CPNE8: variants seen among roughly 807,000 people sequenced by gnomAD.
CPNE8 encodes copine-8.
CPNE8 carries 45 observed loss-of-function variants against 81.5 expected under a neutral mutation model. The observed-to-expected ratio is 0.55, with a 90% CI of 0.44 to 0.71. The LOEUF is 0.71. Among genes scored for constraint, CPNE8 ranks in the 30% least tolerant of loss-of-function variants. The pLI, the probability that CPNE8 is intolerant of heterozygous loss-of-function variation, is 0.00. For synonymous variants in CPNE8, 252 were observed against 226.3 expected (o/e 1.11, Z -1.02); for missense variants, 594 against 672.1 (o/e 0.88, Z 1.28).
chr12:38,904,474 T>G (rs993362992), intron 1 of CPNE8, among the ~76,000 whole-genome samples: 17 of 150,228 alleles, frequency 1.1e-4, no homozygotes, highest in African/African-American at 3.4e-4. Context: ...TTTTTTGTTT[T>G]TTTTTTTTTT....
rs1228204810 is a variant in CPNE8, at chr12:38,761,652, GA to G, written c.680+459del. 3.9e-5 allele frequency among the ~76,000 whole-genome samples: 6 copies of G among 152,002 alleles called. No individual in the cohort carries two copies. The East Asian group carries it at 5.8e-4, about 15-fold the overall frequency. On this transcript the variant is annotated intron_variant, in intron 9 of 19. Transcript: ENST00000331366. ...ATAATCATACAATAAAGTTTCATAA[GA>G]AAAAAACTTTGATATTAAGAAATCT...
intron 3 of CPNE8, among the ~76,000 whole-genome samples, chr12:38,870,733 T>C (rs1943979800): frequency 2.0e-5 from 3 of 152,026 alleles, no homozygotes; most frequent in Admixed American, 2.0e-4. Context: ...ATGGCACTTG[T>C]ATACCTATGT....
intron 6 of CPNE8, among the ~76,000 whole-genome samples, chr12:38,777,508 T>C (rs982827456): frequency 1.3e-5 from 2 of 152,156 alleles, no homozygotes; most frequent in East Asian, 1.9e-4. Context: ...CTATACAGTG[T>C]TTATAAAGCC....
At chr12:38,695,360 T>C (rs1252298056) in intron 14 of CPNE8, among the ~76,000 whole-genome samples, 1 of 152,186 alleles carries the variant, frequency 6.6e-6, no homozygotes, top group Non-Finnish European at 1.5e-5. Flanking sequence ...CAAACAGAGA[T>C]GGCCTAAGCA....
chr12:38,675,432 G>C (rs980651296), intron 18 of CPNE8, among the ~76,000 whole-genome samples: 2 of 152,062 alleles, frequency 1.3e-5, no homozygotes, highest in African/African-American at 2.4e-5. Context: ...TTATTTTGAG[G>C]TACAAACTAC....
At chr12:38,711,162 CTAT>C (rs1434086657) in intron 13 of CPNE8, among the ~76,000 whole-genome samples, 5 of 152,184 alleles carry the variant, frequency 3.3e-5, no homozygotes, top group African/African-American at 1.2e-4. Flanking sequence ...TGTTTTCCTA[CTAT>C]TAATAATAGT....
At chr12:38,797,886 G>A (rs1942537295) in intron 6 of CPNE8, among the ~76,000 whole-genome samples, 1 of 152,158 alleles carries the variant, frequency 6.6e-6, no homozygotes, top group African/African-American at 2.4e-5. Context: ...AAAGGCTCGA[G>A]AACTACGTGA....
chr12:38,723,154 T>TA (rs1409761527), intron 13 of CPNE8, among the ~76,000 whole-genome samples: 1 of 152,072 alleles, frequency 6.6e-6, no homozygotes, highest in Non-Finnish European at 1.5e-5. Flanking sequence ...TTGGTAAGGT[T>TA]AAGAAAAGGA....
intron 6 of CPNE8, among the ~76,000 whole-genome samples, chr12:38,785,254 T>A (rs903200923): frequency 1.3e-5 from 2 of 151,602 alleles, no homozygotes; most frequent in East Asian, 3.9e-4. Flanking sequence ...CAAAACTCAC[T>A]GACTCACTGA....
intron 3 of CPNE8, among the ~76,000 whole-genome samples, chr12:38,849,209 T>C (rs766770701): frequency 2.6e-5 from 4 of 152,180 alleles, no homozygotes; most frequent in Admixed American, 6.5e-5. Context: ...CATATCTAGA[T>C]AGCTAAAATG....
chr12:38,732,629 A>G (rs1322691521), intron 10 of CPNE8, among the ~76,000 whole-genome samples: 1 of 151,962 alleles, frequency 6.6e-6, no homozygotes, highest in Non-Finnish European at 1.5e-5. Flanking sequence ...ATTAGTGGTT[A>G]GAGAGCTTAC....
intron 19 of CPNE8, among the ~76,000 whole-genome samples, chr12:38,667,329 A>G (rs1473006156): frequency 6.6e-6 from 1 of 152,226 alleles, no homozygotes; most frequent in Non-Finnish European, 1.5e-5. Flanking sequence ...CAACCCCACT[A>G]TTCTAAATAT....
At chr12:38,751,140 G>A (rs1941346223) in intron 10 of CPNE8, among the ~76,000 whole-genome samples, 1 of 152,146 alleles carries the variant, frequency 6.6e-6, no homozygotes, top group Non-Finnish European at 1.5e-5. Context: ...ATGATTGTGA[G>A]GCTTCCCCAG....
At position 38,828,377 on chromosome 12, in the gene CPNE8, A is replaced by T. The variant is rs141402486; in HGVS notation, c.407+1002T>A. Among the ~76,000 whole-genome samples the T allele has an allele frequency of 7.0e-4, 106 of 152,308 alleles. No homozygotes were observed. In the East Asian group the frequency reaches 0.01, roughly 15 times the overall value. On this transcript the variant is annotated intron_variant, in intron 6 of 19. Coordinates refer to ENST00000331366, the MANE Select transcript of CPNE8 (RefSeq NM_153634.3). ...AATTTAAAATGGGAGCTGATATATGAAAGTTTTCAAACTGACATTCGGTAA... is the reference window on the plus strand; with the variant it reads ...AATTTAAAATGGGAGCTGATATATGTAAGTTTTCAAACTGACATTCGGTAA...
chr12:38,904,460 G>GTTTTTTT (rs200928843), intron 1 of CPNE8, among the ~76,000 whole-genome samples: 2 of 130,528 alleles, frequency 1.5e-5, no homozygotes, highest in African/African-American at 5.9e-5. Flanking sequence ...TTGAAAGTCA[G>GTTTTTTT]TTTTTTTTTG....
chr12:38,771,167 C>T (rs992010989), intron 7 of CPNE8, among the ~76,000 whole-genome samples: 1 of 151,858 alleles, frequency 6.6e-6, no homozygotes, highest in South Asian at 2.1e-4. Context: ...TTTTAAAATA[C>T]TACATAAAAG....
intron 6 of CPNE8, among the ~76,000 whole-genome samples, chr12:38,819,563 C>T (rs1055065659): frequency 2.0e-5 from 3 of 151,756 alleles, no homozygotes; most frequent in Admixed American, 6.6e-5. Context: ...GTCAGGAGAT[C>T]GAGACCATCC....
At chr12:38,747,308 T>C (rs1482390026) in intron 10 of CPNE8, among the ~76,000 whole-genome samples, 1 of 152,214 alleles carries the variant, frequency 6.6e-6, no homozygotes, top group Non-Finnish European at 1.5e-5. Context: ...CTTACTCATC[T>C]GTGTCTCAAT....
chr12:38,801,862 T>A (rs1053990596), intron 6 of CPNE8, among the ~76,000 whole-genome samples: 1 of 96,322 alleles, frequency 1.0e-5, no homozygotes. Context: ...GCAATCCTAG[T>A]CTCTGATAAA....
Sources: allele counts gnomAD v4.1 joint callset (sites outside exome capture counted in the v4.1 genomes callset), GRCh38; gene constraint gnomAD v4.1.1; transcripts MANE v1.5; gene names NCBI Gene and HGNC (gene_info 2026-07-23, HGNC 2026-07-21).